The following PPM1H variants were observed in gnomAD, a reference collection of about 807,000 sequenced individuals.
The protein encoded by PPM1H is protein phosphatase, Mg2+/Mn2+ dependent 1H.
Under a neutral mutation model 54.9 loss-of-function variants are expected in PPM1H, and 27 were observed. That is an observed-to-expected ratio of 0.49 (90% confidence interval 0.36 to 0.68). The LOEUF (loss-of-function observed/expected upper bound fraction) is 0.68. Ranked by LOEUF, PPM1H falls within the 30% of genes least tolerant of loss-of-function variation. The pLI is 0.00. For missense variants in PPM1H, 596 were observed against 667.8 expected (o/e 0.89, Z 1.19); for synonymous variants, 305 against 270.8 (o/e 1.13, Z -1.24).
intron 3 of PPM1H, among the ~76,000 whole-genome samples, chr12:62,794,836 T>C (rs529274701): frequency 6.7e-6 from 1 of 149,566 alleles, no homozygotes; most frequent in African/African-American, 2.4e-5. Flanking sequence ...CAAGCGACAA[T>C]ATAAATATAA....
intron 1 of PPM1H, chr12:62,850,757 A>T (rs1394868831): frequency 1.3e-5 from 2 of 151,306 alleles, no homozygotes; most frequent in Non-Finnish European, 2.9e-5. Flanking sequence ...GCATGAATGC[A>T]GTCCCCCACT....
chr12:62,788,556 A>C, intron 3 of PPM1H: 1 of 437,590 alleles, frequency 2.3e-6, no homozygotes, highest in Non-Finnish European at 4.1e-6. Context: ...CAGAGACAGG[A>C]AACAATAGAC....
chr12:62,757,181 G>A (rs1443565222), intron 4 of PPM1H, among the ~76,000 whole-genome samples: 1 of 152,170 alleles, frequency 6.6e-6, no homozygotes, highest in Non-Finnish European at 1.5e-5. Context: ...GTAGGGCTGG[G>A]TTATGAATCT....
intron 1 of PPM1H, among the ~76,000 whole-genome samples, chr12:62,857,459 T>A (rs981191191): frequency 7.2e-5 from 11 of 152,192 alleles, no homozygotes; most frequent in Admixed American, 2.0e-4. Flanking sequence ...CCTAGTTTTT[T>A]AAAAAATTTA....
chr12:62,783,946 G>T (rs917588995), intron 4 of PPM1H, among the ~76,000 whole-genome samples: 1 of 152,192 alleles, frequency 6.6e-6, no homozygotes, highest in South Asian at 2.1e-4. Context: ...ATCAGTCAGA[G>T]CCCTAAGGAG....
chr12:62,708,286 G>A (rs1204659305), intron 6 of PPM1H, among the ~76,000 whole-genome samples: 1 of 152,232 alleles, frequency 6.6e-6, no homozygotes, highest in Non-Finnish European at 1.5e-5. Context: ...AGGGTTTGGA[G>A]TGGTGGCTCT....
intron 9 of PPM1H, among the ~76,000 whole-genome samples, chr12:62,653,051 A>G (rs2075824372): frequency 6.6e-6 from 1 of 152,180 alleles, no homozygotes; most frequent in African/African-American, 2.4e-5. Flanking sequence ...GTTTGAAGAC[A>G]TTATTCTGCT....
chr12:62,864,904 C>A (rs905374306), intron 1 of PPM1H, among the ~76,000 whole-genome samples: 1 of 152,174 alleles, frequency 6.6e-6, no homozygotes, highest in Non-Finnish European at 1.5e-5. Context: ...TCCAAAAGGC[C>A]TCAATAGACT....
intron 6 of PPM1H, among the ~76,000 whole-genome samples, chr12:62,695,327 C>T (rs2076107879): frequency 6.6e-6 from 1 of 152,124 alleles, no homozygotes; most frequent in African/African-American, 2.4e-5. Context: ...GATGTGCTCT[C>T]AGTCCCTCAG....
intron 1 of PPM1H, among the ~76,000 whole-genome samples, chr12:62,843,494 C>CT (rs1372743596): frequency 1.3e-5 from 2 of 152,164 alleles, no homozygotes; most frequent in African/African-American, 4.8e-5. Flanking sequence ...ATTCTGATAT[C>CT]TTCTTATAGC....
chr12:62,681,357 C>T (rs933495449), intron 8 of PPM1H, among the ~76,000 whole-genome samples: 6 of 152,168 alleles, frequency 3.9e-5, no homozygotes, highest in African/African-American at 9.7e-5. Context: ...TTAGTTTCCA[C>T]GGTCCCTTCC....
intron 1 of PPM1H, among the ~76,000 whole-genome samples, chr12:62,880,140 T>C (rs895225853): frequency 2.0e-5 from 3 of 152,232 alleles, no homozygotes; most frequent in Admixed American, 2.0e-4. Flanking sequence ...AGAACAATTA[T>C]ACATGTATAC....
At chr12:62,727,688 T>C (rs1209956262) in intron 5 of PPM1H, among the ~76,000 whole-genome samples, 1 of 138,282 alleles carries the variant, frequency 7.2e-6, no homozygotes, top group Non-Finnish European at 1.6e-5. Context: ...TGAGGTGGAT[T>C]CTCACTCTGT....
At chr12:62,663,570 G>A (rs201985117) in intron 9 of PPM1H, among the ~76,000 whole-genome samples, 7 of 152,020 alleles carry the variant, frequency 4.6e-5, no homozygotes, top group Non-Finnish European at 1.0e-4. Context: ...ACCACTCCAG[G>A]GTACAGACCT....
chr12:62,697,827 C>G (rs2076122601), intron 6 of PPM1H, among the ~76,000 whole-genome samples: 1 of 151,940 alleles, frequency 6.6e-6, no homozygotes, highest in Non-Finnish European at 1.5e-5. Context: ...ATATGACTGA[C>G]CAGAGATTAT....
rs144140046 is a variant in PPM1H at position 62,876,223 on chromosome 12, G to A, written c.246-43944C>T. Among the ~76,000 whole-genome samples, 19 of 152,262 alleles carry A rather than the reference G, an allele frequency of 1.2e-4. 1 individual carries two copies. The highest frequency in any genetic ancestry group is 4.1e-4 in the South Asian group (2 of 4,820). ...CTAAAAACAAAGTGTACAAATACAC[G>A]GAGAGCAGAAATTTAGGAGATGCTA... On this transcript the variant is annotated intron_variant, in intron 1 of 9. Transcript: ENST00000228705.
chr12:62,778,145 ATGATAG>A, intron 4 of PPM1H, among the ~76,000 whole-genome samples: 1 of 152,266 alleles, frequency 6.6e-6, no homozygotes, highest in East Asian at 1.9e-4. Flanking sequence ...GACTTTAAAA[ATGATAG>A]TGATATCCAA....
intron 4 of PPM1H, among the ~76,000 whole-genome samples, chr12:62,775,527 A>G (rs1029791387): frequency 1.8e-4 from 27 of 152,278 alleles, no homozygotes; most frequent in Non-Finnish European, 3.8e-4. Flanking sequence ...ACATAGATCC[A>G]ACTGTTTATG....
intron 6 of PPM1H, among the ~76,000 whole-genome samples, chr12:62,699,643 T>A (rs1033402668): frequency 6.6e-6 from 1 of 152,224 alleles, no homozygotes; most frequent in African/African-American, 2.4e-5. Flanking sequence ...TTAAAAAGGC[T>A]GTCAACACTG....
Sources: allele counts gnomAD v4.1 joint callset (sites outside exome capture counted in the v4.1 genomes callset), GRCh38; gene constraint gnomAD v4.1.1; transcripts MANE v1.5; gene names NCBI Gene and HGNC (gene_info 2026-07-23, HGNC 2026-07-21).